RGS6: variants seen among roughly 807,000 people sequenced by gnomAD.
RGS6 encodes regulator of G protein signaling 6.
In RGS6, 30 loss-of-function variants were observed where a neutral mutation model predicts 78.5. The ratio of observed to expected loss-of-function variants is 0.38; its 90% CI spans 0.29 to 0.52. The LOEUF is 0.52. Among genes scored for constraint, RGS6 ranks in the 20% least tolerant of loss-of-function variants. The probability of loss-of-function intolerance (pLI) is 0.85; values close to 1 mark genes in which losing one functional copy is unlikely to be tolerated. For synonymous variants in RGS6, 206 were observed against 206.0 expected (o/e 1.00, Z 0.00); for missense variants, 495 against 609.7 (o/e 0.81, Z 1.98).
In RGS6 at chr14:72,352,252, C is replaced by G. The variant is rs950427580; in HGVS notation, c.184+58C>G. 8 of 1,333,150 alleles carry G rather than the reference C, an allele frequency of 6.0e-6. No individual in the cohort carries two copies. The South Asian group carries it at 7.5e-5, about 13-fold the overall frequency. The allele number at this position is 1,333,150 out of a possible 1,614,324, so 82.6% of individuals were successfully genotyped here. On this transcript the variant is annotated intron_variant, in intron 3 of 17. Coordinates refer to ENST00000553525, the MANE Select transcript of RGS6 (RefSeq NM_001204424.2). ...TCAGAACTACCAAAGAGTTATAAGT[C>G]TAGATTGCGGCCTGAGGGGTGTCTG... is the stretch of plus-strand genomic sequence containing the variant.
At chr14:72,484,563 A>C (rs2096452855) in intron 12 of RGS6, among the ~76,000 whole-genome samples, 1 of 152,054 alleles carries the variant, frequency 6.6e-6, no homozygotes, top group Admixed American at 6.6e-5. Context: ...CATCTATACA[A>C]TTTGTAGCAA....
rs754587017 is a variant in RGS6 at position 72,469,993 on chromosome 14, T to C, written c.460-14T>C. 1 of 1,599,386 alleles carries C rather than the reference T, an allele frequency of 6.3e-7. No individual in the cohort carries two copies. Among genetic ancestry groups the C allele is most frequent in the Non-Finnish European group, 8.6e-7 (1 of 1,167,036 alleles). ...ATGATTAATGCCGCCTTGTTGATTT[T>C]CATTTCTCATTAGGAAAACTTAGCA... On this transcript the variant is annotated splice_polypyrimidine_tract_variant and intron_variant, in intron 7 of 17. Coordinates refer to ENST00000553525, the MANE Select transcript of RGS6 (RefSeq NM_001204424.2).
chr14:72,547,422 A>G, intron 17 of RGS6: 1 of 1,033,720 alleles, frequency 9.7e-7, no homozygotes, highest in Non-Finnish European at 1.4e-6. Context: ...CCTGGTGGAA[A>G]CAACAGGGGA....
chr14:72,172,525 C>T lies in RGS6; in HGVS notation c.85-179570C>T, dbSNP rs115759882. Among the ~76,000 whole-genome samples, 414 of 152,098 alleles carry T rather than the reference C, an allele frequency of 2.7e-3. 3 individuals carry two copies. Among genetic ancestry groups the T allele is most frequent in the Middle Eastern group, 0.01 (3 of 294 alleles). ...TTATTATATACACGTATGCATCCTC[C>T]CCCCAGCATTGATGTGTGTAATTCA... On this transcript the variant is annotated intron_variant, in intron 2 of 17. Coordinates refer to ENST00000553525, the MANE Select transcript of RGS6 (RefSeq NM_001204424.2).
At chr14:72,520,781 A>C (rs1281316541) in intron 15 of RGS6, among the ~76,000 whole-genome samples, 2 of 152,204 alleles carry the variant, frequency 1.3e-5, no homozygotes, top group African/African-American at 2.4e-5. Context: ...CATATATGCT[A>C]TGTTTTAATC....
At chr14:72,548,817 ATAGATAGG>A (rs2153527703) in intron 17 of RGS6, among the ~76,000 whole-genome samples, 1 of 152,314 alleles carries the variant, frequency 6.6e-6, no homozygotes, top group South Asian at 2.1e-4. Flanking sequence ...TGGCTAGAAG[ATAGATAGG>A]TAGATACTAA....
intron 2 of RGS6, among the ~76,000 whole-genome samples, chr14:72,266,259 G>A (rs1031453352): frequency 6.6e-6 from 1 of 152,136 alleles, no homozygotes; most frequent in African/African-American, 2.4e-5. Flanking sequence ...TGTGTCCACT[G>A]GGGCTTCCAC....
intron 15 of RGS6, among the ~76,000 whole-genome samples, chr14:72,525,349 G>A (rs973794966): frequency 6.6e-6 from 1 of 152,164 alleles, no homozygotes; most frequent in Non-Finnish European, 1.5e-5. Context: ...ATACAAATGC[G>A]TAGGGAGGTT....
chr14:72,224,117 C>T (rs1599836545), intron 2 of RGS6, among the ~76,000 whole-genome samples: 1 of 152,184 alleles, frequency 6.6e-6, no homozygotes, highest in Non-Finnish European at 1.5e-5. Flanking sequence ...TTCAAATTTG[C>T]AACAAGCCAT....
intron 2 of RGS6, among the ~76,000 whole-genome samples, chr14:72,229,179 G>A (rs1353810571): frequency 6.6e-6 from 1 of 152,110 alleles, no homozygotes; most frequent in Admixed American, 6.6e-5. Context: ...TCTAAAAATT[G>A]TATGATTTAT....
At chr14:72,276,450 A>T (rs1265737897) in intron 2 of RGS6, among the ~76,000 whole-genome samples, 2 of 152,224 alleles carry the variant, frequency 1.3e-5, no homozygotes, top group African/African-American at 4.8e-5. Context: ...TTAAAATTTC[A>T]TATGGAGGTA....
At chr14:72,257,809 C>T (rs985240477) in intron 2 of RGS6, among the ~76,000 whole-genome samples, 48 of 152,144 alleles carry the variant, frequency 3.2e-4, no homozygotes, top group African/African-American at 1.2e-3. Context: ...GTCCACAAGC[C>T]TCCCCCTCTG....
chr14:72,284,556 A>G (rs1035697014), intron 2 of RGS6, among the ~76,000 whole-genome samples: 2 of 152,220 alleles, frequency 1.3e-5, no homozygotes, highest in Non-Finnish European at 2.9e-5. Context: ...TTCAGAGGAT[A>G]TATGGAAACT....
chr14:72,547,798 G>T (rs989733716), intron 17 of RGS6, among the ~76,000 whole-genome samples: 1 of 152,138 alleles, frequency 6.6e-6, no homozygotes, highest in East Asian at 1.9e-4. Flanking sequence ...ATCAGCCTGA[G>T]CATGAGCAAC....
At chr14:72,074,569 TAGTC>T (rs1197630884) in intron 2 of RGS6, among the ~76,000 whole-genome samples, 1 of 152,142 alleles carries the variant, frequency 6.6e-6, no homozygotes, top group South Asian at 2.1e-4. Flanking sequence ...TTGTTGAAAA[TAGTC>T]AGATTTTCAG....
chr14:72,592,795 G>A, the RGS6 span, among the ~76,000 whole-genome samples: 2 of 152,214 alleles, frequency 1.3e-5, no homozygotes, highest in East Asian at 1.9e-4. Flanking sequence ...ACAGTGGACT[G>A]GCAGGGAGAG....
chr14:72,414,399 G>T (rs189789911), intron 3 of RGS6, among the ~76,000 whole-genome samples: 1 of 152,140 alleles, frequency 6.6e-6, no homozygotes, highest in Admixed American at 6.5e-5. Flanking sequence ...TTCTCGTGCC[G>T]TGGTTTTCAG....
intron 2 of RGS6, among the ~76,000 whole-genome samples, chr14:72,316,031 C>A (rs1180328489): frequency 6.6e-6 from 1 of 152,188 alleles, no homozygotes; most frequent in Non-Finnish European, 1.5e-5. Context: ...CCCTGGGGAA[C>A]ATTTCTCTCT....
At chr14:72,453,205 G>C (rs561658819) in intron 3 of RGS6, among the ~76,000 whole-genome samples, 83 of 152,270 alleles carry the variant, frequency 5.5e-4, no homozygotes, top group African/African-American at 1.9e-3. Context: ...GGCTGGGTAG[G>C]GGGGAGTTTG....
Sources: allele counts gnomAD v4.1 joint callset (sites outside exome capture counted in the v4.1 genomes callset), GRCh38; gene constraint gnomAD v4.1.1; transcripts MANE v1.5; gene names NCBI Gene and HGNC (gene_info 2026-07-23, HGNC 2026-07-21).